Variants in LIPI observed in about 807,000 individuals in gnomAD.
LIPI encodes the protein lipase member I.
LIPI carries 59 observed loss-of-function variants against 50.6 expected under a neutral mutation model. That is an observed-to-expected ratio of 1.16 (90% CI 0.94 to 1.45). The LOEUF is 1.45. Among genes scored for constraint, LIPI ranks in the 40% most tolerant of loss-of-function variants. The pLI is 0.00. For synonymous variants in LIPI, 203 were observed against 178.2 expected (o/e 1.14, Z -1.11); for missense variants, 586 against 536.3 (o/e 1.09, Z -0.92).
chr21:14,178,757 C>T (rs1025023716), intron 4 of LIPI, among the ~76,000 whole-genome samples: 2 of 152,094 alleles, frequency 1.3e-5, no homozygotes, highest in Admixed American at 1.3e-4. Flanking sequence ...CTCATTCACG[C>T]TGTCTTGCTC....
rs192028411 is a variant in LIPI at position 14,113,106 on chromosome 21, G to C, written c.1296-4026C>G. Among the ~76,000 whole-genome samples the C allele has an allele frequency of 4.6e-5, 7 of 152,298 alleles. No individual in the cohort carries two copies. The South Asian group carries it at 8.3e-4, about 18-fold the overall frequency. On this transcript the variant is annotated intron_variant, in intron 9 of 9. Coordinates refer to ENST00000681601, the MANE Select transcript of LIPI (RefSeq NM_001302998.2). ...AAGGTTTAACCCCAGTAACATAACA[G>C]TATTTTGAGAATAGAATTTAAGAGC...
intron 4 of LIPI, among the ~76,000 whole-genome samples, chr21:14,176,634 A>G (rs2123220970): frequency 6.6e-6 from 1 of 150,974 alleles, no homozygotes; most frequent in Non-Finnish European, 1.5e-5. Flanking sequence ...TGCATTAAAG[A>G]TAGAAAAGAT....
intron 9 of LIPI, among the ~76,000 whole-genome samples, chr21:14,110,959 A>G (rs560545243): frequency 6.7e-6 from 1 of 148,446 alleles, no homozygotes; most frequent in South Asian, 2.1e-4. Context: ...TATAATATAC[A>G]TATTATATTT....
At chr21:14,183,930 G>C (rs2019362680) in intron 3 of LIPI, among the ~76,000 whole-genome samples, 1 of 152,154 alleles carries the variant, frequency 6.6e-6, no homozygotes, top group South Asian at 2.1e-4. Context: ...ATTCCTCAGG[G>C]ATCTAGAACT....
intron 4 of LIPI, among the ~76,000 whole-genome samples, chr21:14,179,331 C>T (rs188512494): frequency 2.9e-3 from 434 of 151,902 alleles, no homozygotes; most frequent in Middle Eastern, 0.01. Flanking sequence ...AGAAATTTCT[C>T]GGACAGGTAC....
At chr21:14,151,973 AC>A (rs1052000773) in intron 8 of LIPI, among the ~76,000 whole-genome samples, 1 of 152,060 alleles carries the variant, frequency 6.6e-6, no homozygotes, top group African/African-American at 2.4e-5. Flanking sequence ...TTAACTGAAA[AC>A]TGGAGGGAAT....
chr21:14,189,046 A>C lies in LIPI; in HGVS notation c.420T>G (p.Ile140Met). 6.2e-7 allele frequency: 1 copy of C among 1,605,244 alleles called. No individual in the cohort carries two copies. Among genetic ancestry groups the C allele is most frequent in the South Asian group, 1.1e-5 (1 of 91,082 alleles). ...TTCCCAGACTTACCAAAAGATTTTTAATGTGCACACTCAAACTCACAGCAA... is the reference window on the plus strand; with the variant it reads ...TTCCCAGACTTACCAAAAGATTTTTCATGTGCACACTCAAACTCACAGCAA... ...RKVAVSLSVH[I>M]KNLLKHGASL... Residue 140 changes from isoleucine to methionine, a missense_variant, in exon 2 of 10, where the codon ATT becomes ATG. By Grantham distance (10) the Ile-to-Met change is conservative. Coordinates refer to ENST00000681601, the MANE Select transcript of LIPI (RefSeq NM_001302998.2).
At chr21:14,137,876 A>C (rs2017561321) in intron 9 of LIPI, among the ~76,000 whole-genome samples, 1 of 152,172 alleles carries the variant, frequency 6.6e-6, no homozygotes, top group African/African-American at 2.4e-5. Context: ...GAAACAAATA[A>C]AATGTTATGG....
At position 14,189,359 on chromosome 21, in the gene LIPI, A is replaced by C. The variant is rs1161039827; in HGVS notation, c.107T>G (p.Leu36Ter). ...AATGGTCTCTATTCTCGGAATAAAT[A>C]AATCTCTGAAGGAATCCTTTACACT... is the stretch of plus-strand genomic sequence containing the variant. ...QLSVKDSFRD[L>*]FIPRIETILM... is the part of the protein sequence containing the mutation. Residue 36 changes from leucine (L) to a stop codon, truncating the protein, a stop_gained, in exon 2 of 10, where the codon TTA becomes TGA. Transcript: ENST00000681601. LOFTEE classifies it high-confidence loss of function. The C allele has an allele frequency of 1.2e-6, 2 of 1,612,360 alleles. No homozygotes were observed. Among genetic ancestry groups the C allele is most frequent in the Admixed American group, 1.7e-5 (1 of 59,974 alleles).
intron 4 of LIPI, among the ~76,000 whole-genome samples, chr21:14,170,675 T>C (rs1568865123): frequency 6.6e-6 from 1 of 152,138 alleles, no homozygotes; most frequent in Non-Finnish European, 1.5e-5. Flanking sequence ...CCCTTCATGC[T>C]AAAAACTCTC....
intron 7 of LIPI, among the ~76,000 whole-genome samples, chr21:14,161,266 T>A (rs1180866601): frequency 6.7e-5 from 10 of 149,368 alleles, no homozygotes; most frequent in Non-Finnish European, 1.5e-5. Flanking sequence ...ACATCCTGTA[T>A]CTATGTAAAT....
chr21:14,181,677 T>C, intron 4 of LIPI, 81 bp downstream of exon 4: 1 of 770,134 alleles, frequency 1.3e-6, no homozygotes, highest in South Asian at 1.4e-5. Context: ...ATGTTTTTTC[T>C]TCTTATGCCC....
intron 7 of LIPI, among the ~76,000 whole-genome samples, chr21:14,160,439 G>T (rs753024778): frequency 1.3e-5 from 2 of 150,848 alleles, no homozygotes; most frequent in African/African-American, 2.4e-5. Context: ...AGATGCAAAA[G>T]CACTTAATAA....
chr21:14,144,715 A>G lies in LIPI; in HGVS notation c.1203T>C (p.Gly401=). 1 of 1,565,642 alleles carries G rather than the reference A, an allele frequency of 6.4e-7. No individual in the cohort carries two copies. ...YNDFVNISSI[G]LTYFQSSNLQ... is the part of the protein sequence containing the mutation. ...GATTTGAGCTCTGGAAATATGTCAA[A>G]CCAATGCTTGAAATATTTACAAAGT... Residue 401 remains glycine, a synonymous_variant, in exon 9 of 10, where the codon GGT becomes GGC. Coordinates refer to ENST00000681601, the MANE Select transcript of LIPI (RefSeq NM_001302998.2).
intron 7 of LIPI, among the ~76,000 whole-genome samples, chr21:14,159,908 G>T (rs75699809): frequency 6.6e-6 from 1 of 151,136 alleles, no homozygotes; most frequent in African/African-American, 2.4e-5. Flanking sequence ...ATGAATATGT[G>T]GTATACACAC....
intron 4 of LIPI, among the ~76,000 whole-genome samples, chr21:14,174,606 T>C (rs1264669530): frequency 6.6e-6 from 1 of 152,066 alleles, no homozygotes; most frequent in Non-Finnish European, 1.5e-5. Flanking sequence ...CAGGCTGGAG[T>C]GCAATGGCAT....
intron 4 of LIPI, among the ~76,000 whole-genome samples, chr21:14,180,973 T>C (rs1432114916): frequency 3.3e-5 from 5 of 152,204 alleles, no homozygotes; most frequent in African/African-American, 1.2e-4. Context: ...AAGTGCATCA[T>C]CTGGAATCAA....
intron 9 of LIPI, among the ~76,000 whole-genome samples, chr21:14,111,467 T>A (rs748819366): frequency 4.6e-5 from 7 of 152,100 alleles, no homozygotes; most frequent in Non-Finnish European, 8.8e-5. Flanking sequence ...GTTGTTTGAG[T>A]TCCTTATATA....
At chr21:14,143,595 G>C (rs2123056046) in intron 9 of LIPI, 1 of 152,136 alleles carries the variant, frequency 6.6e-6, no homozygotes, top group African/African-American at 2.4e-5. Flanking sequence ...GAAATAAAGA[G>C]GAAGCACCAC....
Sources: allele counts gnomAD v4.1 joint callset (sites outside exome capture counted in the v4.1 genomes callset), GRCh38; gene constraint gnomAD v4.1.1; transcripts MANE v1.5; gene names NCBI Gene and HGNC (gene_info 2026-07-23, HGNC 2026-07-21).